ZNF335: variants seen among roughly 807,000 people sequenced by gnomAD.
ZNF335 encodes the protein zinc finger protein 335, also known as NRC-interacting factor 1.
Under a neutral mutation model 145.6 loss-of-function variants are expected in ZNF335, and 84 were observed. The observed-to-expected ratio is 0.58, with a 90% CI of 0.48 to 0.69. The LOEUF is 0.69. ZNF335 is among the 30% of genes least tolerant of loss of function. ZNF335 has a pLI of 0.00. For missense variants in ZNF335, 1,865 were observed against 1,809.7 expected (o/e 1.03, Z -0.55); for synonymous variants, 761 against 717.0 (o/e 1.06, Z -0.98).
At position 45,964,003 on chromosome 20, in the gene ZNF335, T is replaced by C. The variant is rs1426382146; in HGVS notation, c.1103-13A>G. ...TCTCCTTCCACACCTGCCACGGACA[T>C]GCCAGGTCACAAGCCAGCCACTGAC... On this transcript the variant is annotated splice_polypyrimidine_tract_variant and intron_variant, in intron 7 of 27. Coordinates refer to ENST00000322927, the MANE Select transcript of ZNF335 (RefSeq NM_022095.4). The C allele has an allele frequency of 2.6e-6, 4 of 1,513,614 alleles. No individual in the cohort carries two copies. Among genetic ancestry groups the C allele is most frequent in the Non-Finnish European group, 3.5e-6 (4 of 1,133,168 alleles). The allele number at this position is 1,513,614 out of a possible 1,614,324, so 93.8% of individuals were successfully genotyped here.
At chr20:45,971,097 G>A in intron 2 of ZNF335, 113 bp downstream of exon 2, 4 of 1,422,266 alleles carry the variant, frequency 2.8e-6, no homozygotes, top group Middle Eastern at 2.6e-4. Flanking sequence ...CTGGCTCACA[G>A]TAAACCAGAA....
intron 18 of ZNF335, 50 bp downstream of exon 18, chr20:45,953,639 G>A (rs766594156): frequency 5.0e-6 from 8 of 1,601,864 alleles, no homozygotes; most frequent in Admixed American, 1.7e-5. Context: ...CGGACCGACC[G>A]ACCACACCTA....
intron 1 of ZNF335, 136 bp from the exon 2 acceptor site, chr20:45,971,596 T>G: frequency 6.9e-7 from 1 of 1,440,352 alleles, no homozygotes; most frequent in Non-Finnish European, 9.1e-7. Context: ...AGCTTCCTGG[T>G]GTATTGCGAG....
Position 45,963,837 on chromosome 20 carries a change from T to TCTGA in ZNF335, c.1252_1255dup (p.Asp419ValfsTer13). 6.2e-7 allele frequency: 1 copy of TCTGA among 1,613,664 alleles called. No homozygotes were observed. Among genetic ancestry groups the TCTGA allele is most frequent in the Non-Finnish European group, 8.5e-7 (1 of 1,179,758 alleles). On this transcript the variant is annotated frameshift_variant, in exon 8 of 28. Transcript: ENST00000322927. LOFTEE classifies it high-confidence loss of function. ...GCAGGAGGGGGCTGCGTTCTCTGCA[T>TCTGA]CTGACTGGCTCACACCAGCTTCCAC...
Position 45,950,165 on chromosome 20 carries a change from C to G in ZNF335, c.3487+54G>C. On this transcript the variant is annotated intron_variant, in intron 22 of 27. Coordinates refer to ENST00000322927, the MANE Select transcript of ZNF335 (RefSeq NM_022095.4). ...CAGTGGTGCCTTTTGGGGCAGTGGC[C>G]CAAGTCTCTGGATCTACCCTGTTGC... 5 of 1,581,824 alleles carry G rather than the reference C, an allele frequency of 3.2e-6. No homozygotes were observed. The South Asian group carries it at 5.8e-5, about 18-fold the overall frequency.
rs141365624 is a variant in ZNF335, at chr20:45,950,454, G to A, written c.3331C>T (p.Arg1111Cys). ...KPFACHLCGQ[R>C]FNRNGHLKFH... ...CCACCCACCAGTATCTGGCCTCACC[G>A]CTGCCCGCAGAGGTGGCATGCAAAA... Residue 1111 changes from arginine (R) to cysteine (C), a missense_variant and splice_region_variant, in exon 21 of 28, where the codon CGT becomes TGT. Transcript: ENST00000322927. The A allele has an allele frequency of 1.3e-5, 21 of 1,614,044 alleles. No homozygotes were observed. Among genetic ancestry groups the A allele is most frequent in the Admixed American group, 3.3e-5 (2 of 60,002 alleles).
At chr20:45,964,131 A>C (rs2083906147) in intron 7 of ZNF335, 141 bp from the exon 8 acceptor site, 13 of 1,061,072 alleles carry the variant, frequency 1.2e-5, no homozygotes, top group Non-Finnish European at 1.7e-5. Flanking sequence ...CATGACACAG[A>C]CAGCCTGTGG....
At chr20:45,965,981 C>T (rs2083945542) in intron 6 of ZNF335, among the ~76,000 whole-genome samples, 2 of 152,286 alleles carry the variant, frequency 1.3e-5, no homozygotes, top group African/African-American at 4.8e-5. Context: ...CCCTTCCTGG[C>T]ACCTACCACT....
In ZNF335 at chr20:45,953,812, T is replaced by G; in HGVS notation, c.2579A>C (p.Gln860Pro). The G allele has an allele frequency of 6.2e-7, 1 of 1,614,120 alleles. No homozygotes were observed. Among genetic ancestry groups the G allele is most frequent in the Non-Finnish European group, 8.5e-7 (1 of 1,180,034 alleles). The change falls in exon 18 of 28, where the codon CAG becomes CCG. Residue 860 changes from glutamine to proline, a missense_variant. Physicochemically the swap from Gln to Pro is moderately conservative, Grantham distance 76. Coordinates refer to ENST00000322927, the MANE Select transcript of ZNF335 (RefSeq NM_022095.4). ...CTGCGGTAGGTCAGGAGGGCCTAGC[T>G]GGCTCTCGGCTGCTGCACCGCCCCC... ...EPGGGAAAESQLGPPDLPQIT... is the reference protein window; with the variant it reads ...EPGGGAAAESPLGPPDLPQIT...
Position 45,969,698 on chromosome 20 carries a change from G to A in ZNF335, c.202-7C>T, listed in dbSNP as rs2084023712. ...TGCTCTCAGATACCTCCTCCTGAGG[G>A]GCATGAAACAGGGAGGGAAAAAGTT... is the stretch of plus-strand genomic sequence containing the variant. On this transcript the variant is annotated splice_region_variant and splice_polypyrimidine_tract_variant and intron_variant, in intron 2 of 27. Coordinates refer to ENST00000322927, the MANE Select transcript of ZNF335 (RefSeq NM_022095.4). 9 of 1,609,946 alleles carry A rather than the reference G, an allele frequency of 5.6e-6. No individual in the cohort carries two copies. The highest frequency in any genetic ancestry group is 5.9e-6 in the Non-Finnish European group (7 of 1,178,412).
In ZNF335 at chr20:45,950,554, A is replaced by G; in HGVS notation, c.3231T>C (p.Cys1077=). The G allele has an allele frequency of 6.2e-7, 1 of 1,614,138 alleles. No individual in the cohort carries two copies. The highest frequency in any genetic ancestry group is 8.5e-7 in the Non-Finnish European group (1 of 1,180,032). ...AQHSSLRPHQ[C]SQCSFASKNK... ...TCTTGGAGGCAAAGCTGCACTGGCT[A>G]CACTGGTGGGGCCGTAGGCTTGAGT... Residue 1077 remains cysteine, a synonymous_variant, in exon 21 of 28, where the codon TGT becomes TGC. Transcript: ENST00000322927.
chr20:45,965,057 TAATAATAATAATACA>T (rs1183871675), intron 7 of ZNF335, among the ~76,000 whole-genome samples: 1 of 149,152 alleles, frequency 6.7e-6, no homozygotes, highest in Non-Finnish European at 1.5e-5. Context: ...ATAATAATAA[TAATAATAATAATACA>T]ACAACTCTCC....
At chr20:45,959,060 G>A in intron 15 of ZNF335, 141 bp downstream of exon 15, 1 of 614,112 alleles carries the variant, frequency 1.6e-6, no homozygotes, top group Non-Finnish European at 2.4e-6. Context: ...TAAGCTTAGG[G>A]CTGGCATATG....
At chr20:45,961,034 G>C in intron 10 of ZNF335, 152 bp from the exon 11 acceptor site, 1 of 946,002 alleles carries the variant, frequency 1.1e-6, no homozygotes, top group Non-Finnish European at 1.6e-6. Flanking sequence ...GAGTTCACTG[G>C]GGAAAACGCT....
intron 20 of ZNF335, among the ~76,000 whole-genome samples, 168 bp downstream of exon 20, chr20:45,951,979 C>G (rs991049033): frequency 1.3e-5 from 2 of 152,264 alleles, no homozygotes; most frequent in African/African-American, 4.8e-5. Context: ...GCCTCCCCAC[C>G]AGACCAACTC....
rs774538547 is a variant in ZNF335, at chr20:45,963,826, C to T, written c.1267G>A (p.Ala423Thr). The change falls in exon 8 of 28, where the codon GCA becomes ACA. Residue 423 changes from alanine (A) to threonine (T), a missense_variant. Coordinates refer to ENST00000322927, the MANE Select transcript of ZNF335 (RefSeq NM_022095.4). The stretch of plus-strand genomic sequence containing the variant: ...TGCTCATCCGGGCAGGAGGGGGCTG[C>T]GTTCTCTGCATCTGACTGGCTCACA... ...AGVSQSDAEN[A>T]APSCPDEHDT... 1.8e-5 allele frequency: 29 copies of T among 1,613,726 alleles called. No individual in the cohort carries two copies. The highest frequency in any genetic ancestry group is 4.4e-5 in the South Asian group (4 of 91,050).
chr20:45,967,619 G>A lies in ZNF335; in HGVS notation c.830C>T (p.Ala277Val), dbSNP rs1203711116. Residue 277 changes from alanine (A) to valine (V), a missense_variant, in exon 6 of 28, where the codon GCA becomes GTA. Coordinates refer to ENST00000322927, the MANE Select transcript of ZNF335 (RefSeq NM_022095.4). ...TAGACGTCCTTTTTTACCAGCTGCT[G>A]CTGCGGCTGCTGCTACTGGAAGTGG... Reference protein sequence around the residue: ...RHFRPVAAAAAAAGKKGRLRK... With the variant: ...RHFRPVAAAAVAAGKKGRLRK... 4 of 1,613,842 alleles carry A rather than the reference G, an allele frequency of 2.5e-6. No individual in the cohort carries two copies. The highest frequency in any genetic ancestry group is 1.3e-5 in the African/African-American group (1 of 74,914).
rs760498566 is a variant in ZNF335 at position 45,962,152 on chromosome 20, G to A, written c.1564C>T (p.Pro522Ser). Reference sequence around the variant, plus strand: ...TAGCTGCACTCGTCACACTTGTAGGGCTTGCTGCCCACGTGGTTGAACATG... The same window carrying A: ...TAGCTGCACTCGTCACACTTGTAGGACTTGCTGCCCACGTGGTTGAACATG... ...EHMFNHVGSK[P>S]YKCDECSYTS... Residue 522 changes from proline to serine, a missense_variant, in exon 10 of 28, where the codon CCC (proline) becomes TCC (serine). Pro to Ser is a moderately conservative substitution (Grantham distance 74). Transcript: ENST00000322927. The A allele has an allele frequency of 1.9e-6, 3 of 1,614,164 alleles. No homozygotes were observed. The highest frequency in any genetic ancestry group is 2.5e-6 in the Non-Finnish European group (3 of 1,180,040).
rs1027479945 is a variant in ZNF335 at position 45,950,047 on chromosome 20, C to T, written c.3510G>A (p.Gly1170=). ...TLHTALQSSH[G]VLGPERLQQA... ...GCTGTAGCCGCTCTGGGCCCAGGAC[C>T]CCGTGACTGGACTGGAGTGCAGCTG... The change falls in exon 23 of 28, where the codon GGG becomes GGA. Residue 1170 remains glycine, a synonymous_variant. Coordinates refer to ENST00000322927, the MANE Select transcript of ZNF335 (RefSeq NM_022095.4). The T allele has an allele frequency of 4.3e-6, 7 of 1,613,762 alleles. No individual in the cohort carries two copies. Among genetic ancestry groups the T allele is most frequent in the East Asian group, 2.2e-5 (1 of 44,888 alleles).
Sources: allele counts gnomAD v4.1 joint callset (sites outside exome capture counted in the v4.1 genomes callset), GRCh38; gene constraint gnomAD v4.1.1; transcripts MANE v1.5; gene names NCBI Gene and HGNC (gene_info 2026-07-23, HGNC 2026-07-21).